PVT1: variants seen among roughly 807,000 people sequenced by gnomAD.
The protein encoded by PVT1 is CXCR4/PVT1 fusion.
chr8:127,865,869 CT>C (rs1815281451), intron 2 of PVT1, among the ~76,000 whole-genome samples: 1 of 152,216 alleles, frequency 6.6e-6, no homozygotes, highest in Non-Finnish European at 1.5e-5. Flanking sequence ...GGGAAATGTC[CT>C]TTGAGTGTGG....
chr8:127,987,292 C>T (rs1374455168), intron 3 of PVT1, among the ~76,000 whole-genome samples: 1 of 152,164 alleles, frequency 6.6e-6, no homozygotes, highest in African/African-American at 2.4e-5. Flanking sequence ...GTGTTTGAAT[C>T]CACTCTTTTT....
chr8:127,846,185 T>G (rs1479983523), intron 2 of PVT1, among the ~76,000 whole-genome samples: 1 of 152,182 alleles, frequency 6.6e-6, no homozygotes, highest in African/African-American at 2.4e-5. Flanking sequence ...GTGAACAAAG[T>G]AACCAGTCTG....
intron 2 of PVT1, among the ~76,000 whole-genome samples, chr8:127,845,740 G>A (rs28631713): frequency 0.036 from 5,410 of 152,236 alleles, 259 homozygotes; most frequent in East Asian, 0.14. Context: ...TCTGGTCTTG[G>A]GAAGAATTCT....
At chr8:127,796,764 C>T (rs1356633137) in intron 2 of PVT1, among the ~76,000 whole-genome samples, 1 of 151,964 alleles carries the variant, frequency 6.6e-6, no homozygotes, top group Non-Finnish European at 1.5e-5. Context: ...GATGGCTGCC[C>T]CTTTGCTATT....
intron 2 of PVT1, among the ~76,000 whole-genome samples, chr8:127,796,872 T>G (rs991955501): frequency 5.6e-5 from 8 of 143,648 alleles, no homozygotes; most frequent in Non-Finnish European, 9.2e-5. Context: ...TTTTCTCTTG[T>G]TTTGCTTTTT....
chr8:127,815,826 A>G (rs1243679465), intron 2 of PVT1, among the ~76,000 whole-genome samples: 2 of 152,162 alleles, frequency 1.3e-5, no homozygotes, highest in East Asian at 3.8e-4. Context: ...ATTAATACCT[A>G]CAAAATTATA....
At chr8:128,085,077 C>A (rs1214113928) in intron 5 of PVT1, among the ~76,000 whole-genome samples, 1 of 152,182 alleles carries the variant, frequency 6.6e-6, no homozygotes, top group East Asian at 1.9e-4. Context: ...TCTGTGCAGG[C>A]TTGTGACTGC....
intron 2 of PVT1, among the ~76,000 whole-genome samples, chr8:127,849,662 G>A (rs1195141409): frequency 8.1e-5 from 12 of 148,554 alleles, no homozygotes; most frequent in South Asian, 2.1e-4. Flanking sequence ...GTGCCCCTGC[G>A]TGCACGTGCA....
intron 3 of PVT1, among the ~76,000 whole-genome samples, chr8:127,965,209 G>A (rs143415719): frequency 7.0e-4 from 107 of 152,236 alleles, no homozygotes; most frequent in African/African-American, 2.4e-3. Flanking sequence ...TTAAAATTTT[G>A]TTGATATAAT....
At chr8:127,826,610 C>T (rs1390484869) in intron 2 of PVT1, among the ~76,000 whole-genome samples, 1 of 152,148 alleles carries the variant, frequency 6.6e-6, no homozygotes, top group Non-Finnish European at 1.5e-5. Context: ...ATAACACACA[C>T]AGACTTACAT....
At chr8:127,832,090 G>GT (rs951105684) in intron 2 of PVT1, among the ~76,000 whole-genome samples, 187 of 150,702 alleles carry the variant, frequency 1.2e-3, no homozygotes, top group African/African-American at 4.3e-3. Context: ...AACGTCAAGT[G>GT]TTTTTTTTTC....
At chr8:127,810,989 T>C (rs1489102211) in intron 2 of PVT1, among the ~76,000 whole-genome samples, 5 of 152,136 alleles carry the variant, frequency 3.3e-5, no homozygotes, top group Admixed American at 6.5e-5. Context: ...CTGTCAGGGG[T>C]TCCAAACTTA....
chr8:127,851,121 C>T (rs1363726727), intron 2 of PVT1, among the ~76,000 whole-genome samples: 1 of 151,850 alleles, frequency 6.6e-6, no homozygotes, highest in Non-Finnish European at 1.5e-5. Context: ...CAAAACGAAA[C>T]AATAAAACTG....
In PVT1 at chr8:128,072,464, C is replaced by G. The variant is rs8180901; in HGVS notation, n.1114+2103C>G. ...CTCCCAGCAAGGATTTTAAAAGTGC[C>G]TTATAAGCTGACCATCTCCAGGTTC... On this transcript the variant is annotated intron_variant and non_coding_transcript_variant, in intron 5 of 10. Coordinates refer to ENST00000651587, the Ensembl canonical transcript of PVT1. Among the ~76,000 whole-genome samples, 165 of 152,266 alleles carry G rather than the reference C, an allele frequency of 1.1e-3. 1 individual carries two copies. The highest frequency in any genetic ancestry group is 3.8e-3 in the African/African-American group (156 of 41,526).
chr8:128,097,070 T>C (rs1814438325), intron 6 of PVT1, among the ~76,000 whole-genome samples: 1 of 152,180 alleles, frequency 6.6e-6, no homozygotes, highest in African/African-American at 2.4e-5. Flanking sequence ...GTCCTTAAAC[T>C]GTAGCCTTTG....
At chr8:128,024,504 T>C (rs1010863721) in intron 4 of PVT1, among the ~76,000 whole-genome samples, 9 of 152,060 alleles carry the variant, frequency 5.9e-5, no homozygotes, top group Non-Finnish European at 8.8e-5. Context: ...TGCATGCCTG[T>C]AGTCCCAGCT....
intron 3 of PVT1, among the ~76,000 whole-genome samples, chr8:127,921,854 G>GTTTTTTTGTTTTTTTGTT (rs1816063128): frequency 1.4e-5 from 1 of 71,906 alleles, no homozygotes; most frequent in African/African-American, 6.1e-5. Flanking sequence ...TTTGGTTCAT[G>GTTTTTTTGTTTTTTTGTT]TTTTTTTTTT....
intron 4 of PVT1, among the ~76,000 whole-genome samples, chr8:128,062,486 A>G (rs988860351): frequency 2.0e-5 from 3 of 152,230 alleles, no homozygotes; most frequent in Non-Finnish European, 4.4e-5. Flanking sequence ...GAAGGTGGAA[A>G]GAAATGTATG....
At chr8:127,934,750 A>G (rs1035706115) in intron 3 of PVT1, among the ~76,000 whole-genome samples, 1 of 151,996 alleles carries the variant, frequency 6.6e-6, no homozygotes, top group Non-Finnish European at 1.5e-5. Context: ...TGTGGGGAAA[A>G]GTTGAGAAGC....
Sources: allele counts gnomAD v4.1 joint callset (sites outside exome capture counted in the v4.1 genomes callset), GRCh38; gene constraint gnomAD v4.1.1; transcripts MANE v1.5; gene names NCBI Gene and HGNC (gene_info 2026-07-23, HGNC 2026-07-21).